The following CDH18 variants were observed in gnomAD, a reference collection of about 807,000 sequenced individuals.
CDH18 encodes the protein cadherin-18.
In CDH18, 31 loss-of-function variants were observed where a neutral mutation model predicts 67.9. The ratio of observed to expected loss-of-function variants is 0.46; its 90% CI spans 0.34 to 0.62. The LOEUF (loss-of-function observed/expected upper bound fraction) is 0.62. CDH18 is among the 20% of genes least tolerant of loss of function. The probability of loss-of-function intolerance (pLI) is 0.01; values close to 1 mark genes in which losing one functional copy is unlikely to be tolerated. For missense variants in CDH18, 890 were observed against 975.5 expected, an observed-to-expected ratio of 0.91 and a Z score of 1.17; for synonymous variants, 362 against 347.2, an observed-to-expected ratio of 1.04 and a Z score of -0.48.
intron 2 of CDH18, among the ~76,000 whole-genome samples, chr5:20,004,738 T>A (rs1402576727): frequency 6.6e-6 from 1 of 152,200 alleles, no homozygotes; most frequent in Non-Finnish European, 1.5e-5. Flanking sequence ...AACACATTGT[T>A]GATAAAGAAG....
intron 2 of CDH18, among the ~76,000 whole-genome samples, chr5:20,129,990 G>A (rs1749130162): frequency 6.6e-6 from 1 of 151,252 alleles, no homozygotes; most frequent in Non-Finnish European, 1.5e-5. Flanking sequence ...TGGGTATTTA[G>A]AAAAGACATG....
intron 5 of CDH18, among the ~76,000 whole-genome samples, chr5:19,704,014 C>T (rs1763630713): frequency 2.0e-5 from 3 of 152,122 alleles, no homozygotes; most frequent in Middle Eastern, 3.4e-3. Flanking sequence ...ACTTCTGTTC[C>T]CTGGAAAGCA....
At chr5:20,112,108 C>A (rs921703249) in intron 2 of CDH18, among the ~76,000 whole-genome samples, 1 of 152,072 alleles carries the variant, frequency 6.6e-6, no homozygotes, top group East Asian at 1.9e-4. Context: ...ATACATTTCA[C>A]GTAACATATA....
At chr5:20,080,078 T>A (rs1264894036) in intron 2 of CDH18, among the ~76,000 whole-genome samples, 1 of 152,098 alleles carries the variant, frequency 6.6e-6, no homozygotes, top group Non-Finnish European at 1.5e-5. Flanking sequence ...ACGCAAATAT[T>A]CAGTTCATAG....
chr5:19,524,091 C>T lies in CDH18; in HGVS notation c.1391-3313G>A, dbSNP rs187084182. Reference sequence around the variant, plus strand: ...AATGTTTAGGATAATGCTTTTGTAACTCTAATTCTTAAGTACAGAGATGTG... The same window carrying T: ...AATGTTTAGGATAATGCTTTTGTAATTCTAATTCTTAAGTACAGAGATGTG... On this transcript the variant is annotated intron_variant, in intron 9 of 12. Coordinates refer to ENST00000382275, the MANE Select transcript of CDH18 (RefSeq NM_004934.5). Among the ~76,000 whole-genome samples the T allele has an allele frequency of 1.8e-4, 27 of 151,908 alleles. No homozygotes were observed. The East Asian group carries it at 5.0e-3, about 28-fold the overall frequency.
At chr5:20,030,068 T>G (rs982874315) in intron 2 of CDH18, among the ~76,000 whole-genome samples, 1 of 152,172 alleles carries the variant, frequency 6.6e-6, no homozygotes, top group Admixed American at 6.6e-5. Flanking sequence ...CAAATTATTT[T>G]CCAGCCAAAG....
intron 2 of CDH18, among the ~76,000 whole-genome samples, chr5:19,969,519 A>T (rs1797814277): frequency 1.3e-5 from 2 of 150,410 alleles, no homozygotes; most frequent in South Asian, 4.2e-4. Context: ...CAGCCATAAA[A>T]AATGATGAGT....
chr5:20,226,285 T>C (rs939637316), intron 2 of CDH18, among the ~76,000 whole-genome samples: 8 of 152,052 alleles, frequency 5.3e-5, no homozygotes, highest in African/African-American at 1.7e-4. Context: ...GTATATAAAA[T>C]AGCATTCGGT....
At position 20,152,465 on chromosome 5, in the gene CDH18, G is replaced by A. The variant is rs936868850; in HGVS notation, c.-518+102979C>T. On this transcript the variant is annotated intron_variant, in intron 2 of 14. Coordinates refer to the CDH18 transcript ENST00000507958. ...GTTTTGAAATACTTTCCTTGTAGAC[G>A]TAAAGATTAAATATCTCTCTTATGC... is the stretch of plus-strand genomic sequence containing the variant. 5.5e-4 allele frequency among the ~76,000 whole-genome samples: 84 copies of A among 151,464 alleles called. 5 individuals are homozygous for A. The highest frequency in any genetic ancestry group is 6.6e-5 in the Admixed American group (1 of 15,144).
intron 1 of CDH18, among the ~76,000 whole-genome samples, chr5:20,451,386 C>A (rs1257670020): frequency 2.0e-5 from 3 of 152,096 alleles, no homozygotes; most frequent in African/African-American, 7.2e-5. Context: ...TTGAAGAGCA[C>A]AGAGTCCTTC....
chr5:19,964,640 C>A lies in CDH18; in HGVS notation c.-257+16420G>T, dbSNP rs529625518. The stretch of plus-strand genomic sequence containing the variant: ...TCCAGCCTGGATGGCAGGGCAAGGC[C>A]CTGTATCAAAAAAAAAAAAAAGAAA... On this transcript the variant is annotated intron_variant, in intron 2 of 12. Coordinates refer to ENST00000382275, the MANE Select transcript of CDH18 (RefSeq NM_004934.5). 2.1e-5 allele frequency among the ~76,000 whole-genome samples: 3 copies of A among 141,334 alleles called. No homozygotes were observed. In the South Asian group the frequency reaches 6.5e-4, roughly 30 times the overall value. 92.7% of individuals were successfully genotyped at this position (141,334 alleles called of 152,430 possible). A position where few individuals can be genotyped will look rare whatever the true frequency, so the allele number is the denominator to read the frequency against.
intron 2 of CDH18, among the ~76,000 whole-genome samples, chr5:19,949,734 T>G (rs976051813): frequency 6.6e-6 from 1 of 152,144 alleles, no homozygotes; most frequent in Non-Finnish European, 1.5e-5. Context: ...TTGGCCAGTT[T>G]TGGCCTACCA....
At chr5:19,547,285 C>CT (rs1736500482) in intron 8 of CDH18, among the ~76,000 whole-genome samples, 1 of 152,088 alleles carries the variant, frequency 6.6e-6, no homozygotes, top group Non-Finnish European at 1.5e-5. Context: ...GTTAACCTGT[C>CT]TTTAAGAAAT....
intron 1 of CDH18, among the ~76,000 whole-genome samples, chr5:20,427,832 A>G (rs1748420203): frequency 6.6e-6 from 1 of 151,272 alleles, no homozygotes; most frequent in Admixed American, 6.6e-5. Context: ...AAGAAATGCA[A>G]CATTTAGGCT....
Position 19,658,903 on chromosome 5 carries a change from T to C in CDH18, c.644-46302A>G, listed in dbSNP as rs372965985. ...AGCAAAGACTTGGAACCAACCCAAA[T>C]GTCCAACAATGATAGACTGGATTAA... On this transcript the variant is annotated intron_variant, in intron 5 of 12. Coordinates refer to ENST00000382275, the MANE Select transcript of CDH18 (RefSeq NM_004934.5). 9.2e-4 allele frequency among the ~76,000 whole-genome samples: 140 copies of C among 152,096 alleles called. 1 individual carries two copies. The highest frequency in any genetic ancestry group is 3.2e-3 in the African/African-American group (133 of 41,510).
chr5:19,706,963 C>T (rs1764045938), intron 5 of CDH18, among the ~76,000 whole-genome samples: 1 of 152,130 alleles, frequency 6.6e-6, no homozygotes, highest in Non-Finnish European at 1.5e-5. Context: ...CTACAGAAAC[C>T]AGCTGTAAAG....
At chr5:19,763,307 G>C (rs1226618736) in intron 3 of CDH18, among the ~76,000 whole-genome samples, 1 of 152,112 alleles carries the variant, frequency 6.6e-6, no homozygotes, top group African/African-American at 2.4e-5. Context: ...GGACCAGGGT[G>C]GTATTTGTGA....
intron 2 of CDH18, among the ~76,000 whole-genome samples, chr5:20,129,761 A>G (rs1749111163): frequency 6.6e-6 from 1 of 152,114 alleles, no homozygotes; most frequent in African/African-American, 2.4e-5. Context: ...CCAAACAAAT[A>G]AAACTTCTAC....
intron 2 of CDH18, among the ~76,000 whole-genome samples, chr5:20,181,731 C>T (rs1451764024): frequency 1.3e-5 from 2 of 152,020 alleles, no homozygotes; most frequent in Admixed American, 1.3e-4. Context: ...TTATCCAGGG[C>T]CTGCTTGCGT....
Sources: gnomAD v4.1 joint callset for allele counts (sites outside exome capture counted in the v4.1 genomes callset) on GRCh38, gnomAD v4.1.1 for gene constraint, MANE v1.5 for transcripts, NCBI Gene and HGNC (gene_info 2026-07-23, HGNC 2026-07-21) for gene names.